Variants in KLHDC10 observed in about 807,000 individuals in gnomAD.
KLHDC10 encodes kelch domain-containing protein 10.
KLHDC10 carries 24 observed loss-of-function variants against 56.1 expected under a neutral mutation model. That is an observed-to-expected ratio of 0.43 (90% confidence interval 0.31 to 0.60). The LOEUF (loss-of-function observed/expected upper bound fraction) is 0.60, where lower values mean the gene tolerates loss of function less well. Ranked by LOEUF, KLHDC10 falls within the 20% of genes least tolerant of loss-of-function variation. The pLI, the probability that KLHDC10 is intolerant of heterozygous loss-of-function variation, is 0.11. For missense variants in KLHDC10, 349 were observed against 567.0 expected, an observed-to-expected ratio of 0.62 and a Z score of 3.91; for synonymous variants, 188 against 207.1, an observed-to-expected ratio of 0.91 and a Z score of 0.79.
At chr7:130,081,722 A>G (rs1795610162) in intron 1 of KLHDC10, among the ~76,000 whole-genome samples, 1 of 152,138 alleles carries the variant, frequency 6.6e-6, no homozygotes, top group Non-Finnish European at 1.5e-5. Flanking sequence ...CAGGTCATTT[A>G]TGTTTTGCCT....
chr7:130,088,463 C>T (rs1011064052), intron 1 of KLHDC10, among the ~76,000 whole-genome samples: 1 of 148,894 alleles, frequency 6.7e-6, no homozygotes, highest in Non-Finnish European at 1.5e-5. Flanking sequence ...TTAGTAGAGA[C>T]GGGGGTTTTA....
Position 130,087,709 on chromosome 7 carries a change from A to G in KLHDC10, c.167-9212A>G, listed in dbSNP as rs750820494. ...AAATATTTTGGTGTCACATAAAACA[A>G]ATTCCTTAAAACACACACATACACA... On this transcript the variant is annotated intron_variant, in intron 1 of 9. Transcript: ENST00000335420. Among the ~76,000 whole-genome samples the G allele has an allele frequency of 5.9e-5, 9 of 152,162 alleles. No individual in the cohort carries two copies. The East Asian group carries it at 9.6e-4, about 16-fold the overall frequency.
chr7:130,103,001 A>G (rs1403244506), intron 2 of KLHDC10, among the ~76,000 whole-genome samples: 1 of 152,246 alleles, frequency 6.6e-6, no homozygotes, highest in Non-Finnish European at 1.5e-5. Flanking sequence ...TTTGCAGACT[A>G]TAAAGAAGAC....
At chr7:130,082,874 T>TA (rs1795627634) in intron 1 of KLHDC10, among the ~76,000 whole-genome samples, 1 of 152,216 alleles carries the variant, frequency 6.6e-6, no homozygotes, top group Non-Finnish European at 1.5e-5. Context: ...TAGAAATACA[T>TA]AATTAACTAA....
chr7:130,089,663 A>T (rs967102676), intron 1 of KLHDC10, among the ~76,000 whole-genome samples: 1 of 152,218 alleles, frequency 6.6e-6, no homozygotes, highest in Admixed American at 6.5e-5. Flanking sequence ...ATTGGAGAAT[A>T]GAGTGAAGGC....
Position 130,109,541 on chromosome 7 carries a change from A to T in KLHDC10, c.254-6904A>T, listed in dbSNP as rs191403515. Among the ~76,000 whole-genome samples, 91 of 152,242 alleles carry T rather than the reference A, an allele frequency of 6.0e-4. 1 individual carries two copies. The highest frequency in any genetic ancestry group is 8.8e-5 in the Non-Finnish European group (6 of 68,014). ...AATTAGGCATCAACACTGATTATTAACCCTATAAATAATGGGTACAATTAA... is the reference window on the plus strand; with the variant it reads ...AATTAGGCATCAACACTGATTATTATCCCTATAAATAATGGGTACAATTAA... On this transcript the variant is annotated intron_variant, in intron 2 of 9. Coordinates refer to ENST00000335420, the MANE Select transcript of KLHDC10 (RefSeq NM_014997.4).
intron 2 of KLHDC10, among the ~76,000 whole-genome samples, chr7:130,115,613 G>A (rs924270571): frequency 2.0e-5 from 3 of 150,712 alleles, no homozygotes; most frequent in Admixed American, 1.3e-4. Context: ...TACTTGGGAG[G>A]CTGAGGCAGG....
intron 1 of KLHDC10, among the ~76,000 whole-genome samples, chr7:130,090,096 G>C (rs934554877): frequency 4.6e-5 from 7 of 151,972 alleles, no homozygotes; most frequent in Admixed American, 3.9e-4. Flanking sequence ...GTTGAGGCTG[G>C]TCTCGAACTC....
chr7:130,113,227 C>G (rs1027442394), intron 2 of KLHDC10, among the ~76,000 whole-genome samples: 2 of 152,234 alleles, frequency 1.3e-5, no homozygotes, highest in East Asian at 3.9e-4. Flanking sequence ...GCTGTGCAGG[C>G]TGGACTGTAA....
chr7:130,105,770 T>A (rs1377206030), intron 2 of KLHDC10, among the ~76,000 whole-genome samples: 2 of 152,182 alleles, frequency 1.3e-5, no homozygotes, highest in Non-Finnish European at 2.9e-5. Flanking sequence ...TGGTTATATG[T>A]TCCTATTTTA....
chr7:130,104,146 C>A (rs991134195), intron 2 of KLHDC10, among the ~76,000 whole-genome samples: 3 of 152,038 alleles, frequency 2.0e-5, no homozygotes, highest in African/African-American at 7.3e-5. Flanking sequence ...GGAAGTGGAT[C>A]ATCATAAAGG....
intron 1 of KLHDC10, among the ~76,000 whole-genome samples, chr7:130,079,139 C>A (rs1000853755): frequency 2.0e-5 from 3 of 151,860 alleles, no homozygotes; most frequent in Non-Finnish European, 4.4e-5. Context: ...CCCTCTGCAA[C>A]ATCCGCCTCC....
intron 8 of KLHDC10, 78 bp from the exon 9 acceptor site, chr7:130,129,359 T>C: frequency 6.5e-7 from 1 of 1,529,166 alleles, no homozygotes; most frequent in Non-Finnish European, 8.9e-7. Context: ...GTCAGCTGGC[T>C]GTGTGACCTA....
At chr7:130,111,358 T>C (rs1052009045) in intron 2 of KLHDC10, among the ~76,000 whole-genome samples, 6 of 152,148 alleles carry the variant, frequency 3.9e-5, no homozygotes, top group African/African-American at 7.2e-5. Flanking sequence ...TGTATGTTAA[T>C]AGATGCCGTA....
rs1796408762 is a variant in KLHDC10 at position 130,132,065 on chromosome 7, T to G, written c.*1319T>G. 7.2e-6 allele frequency: 1 copy of G among 138,744 alleles called. No individual in the cohort carries two copies. Among genetic ancestry groups the G allele is most frequent in the East Asian group, 2.0e-4 (1 of 5,112 alleles). The allele number at this position is 138,744 out of a possible 1,614,324, so 8.6% of individuals were successfully genotyped here. ...TTTTAGTTCTGGTTTGTTTGATTTG[T>G]TTTTTTTTTAATTCTAAAAAGAATG... is the stretch of plus-strand genomic sequence containing the variant. On this transcript the variant is annotated 3_prime_UTR_variant, in exon 10 of 10. Transcript: ENST00000335420.
Position 130,131,758 on chromosome 7 carries a change from A to G in KLHDC10, c.*1012A>G, listed in dbSNP as rs925579983. 3 of 152,172 alleles carry G rather than the reference A, an allele frequency of 2.0e-5. No individual in the cohort carries two copies. The highest frequency in any genetic ancestry group is 6.5e-5 in the Admixed American group (1 of 15,282). The allele number at this position is 152,172 out of a possible 1,614,324, so 9.4% of individuals were successfully genotyped here. On this transcript the variant is annotated 3_prime_UTR_variant, in exon 10 of 10. Transcript: ENST00000335420. ...TCCACTCGGGCTGTGGTCTTTGGCT[A>G]TCATCTTGGCCATTTCCTTTTGAGA...
intron 1 of KLHDC10, among the ~76,000 whole-genome samples, chr7:130,085,277 G>A (rs753085499): frequency 6.7e-6 from 1 of 149,966 alleles, no homozygotes; most frequent in Non-Finnish European, 1.5e-5. Context: ...AGGTTGCAGT[G>A]AGCCGAGATC....
intron 2 of KLHDC10, among the ~76,000 whole-genome samples, chr7:130,112,763 C>T (rs1008755684): frequency 9.2e-5 from 14 of 152,104 alleles, no homozygotes; most frequent in Non-Finnish European, 1.5e-4. Context: ...TAGTTACTGG[C>T]GAGAGAGAAA....
chr7:130,112,644 A>C (rs1796117201), intron 2 of KLHDC10, among the ~76,000 whole-genome samples: 1 of 152,234 alleles, frequency 6.6e-6, no homozygotes, highest in South Asian at 2.1e-4. Context: ...ATTAATGCTT[A>C]GTCTCCGTGG....
Sources: allele counts gnomAD v4.1 joint callset (sites outside exome capture counted in the v4.1 genomes callset), GRCh38; gene constraint gnomAD v4.1.1; transcripts MANE v1.5; gene names NCBI Gene and HGNC (gene_info 2026-07-23, HGNC 2026-07-21).